IPO7: variants seen among roughly 807,000 people sequenced by gnomAD.
IPO7 encodes the protein importin 7.
A neutral mutation model predicts 136.4 loss-of-function variants in IPO7; 13 were observed. That is an observed-to-expected ratio of 0.10 (90% CI 0.06 to 0.15). IPO7 has a LOEUF of 0.15. IPO7 is among the 10% of genes least tolerant of loss of function. The pLI is 1.00. For synonymous variants in IPO7, 403 were observed against 404.4 expected (o/e 1.00, Z 0.04); for missense variants, 857 against 1,240.6 (o/e 0.69, Z 4.65).
intron 2 of IPO7, 166 bp downstream of exon 2, chr11:9,403,537 C>A: frequency 1.8e-6 from 1 of 555,450 alleles, no homozygotes; most frequent in Non-Finnish European, 3.2e-6. Flanking sequence ...TATCTGGTGG[C>A]AGAGTTTAAA....
At chr11:9,406,400 T>G (rs1239840536) in intron 2 of IPO7, among the ~76,000 whole-genome samples, 2 of 152,108 alleles carry the variant, frequency 1.3e-5, no homozygotes, top group African/African-American at 2.4e-5. Context: ...TAAATCCAAA[T>G]TTTTACTAAG....
chr11:9,426,032 G>A (rs991846571), intron 12 of IPO7, among the ~76,000 whole-genome samples: 1 of 151,852 alleles, frequency 6.6e-6, no homozygotes, highest in Admixed American at 6.6e-5. Flanking sequence ...CAGTCCAGGC[G>A]ACAGAGACTC....
In IPO7 at chr11:9,447,434, C is replaced by T. The variant is rs1855544355; in HGVS notation, c.*2240C>T. On this transcript the variant is annotated 3_prime_UTR_variant, in exon 25 of 25. Transcript: ENST00000379719. ...GTTCAAATGATAGTTTCTAATGCATCAAATATATACCTCAGTTTTCATGAT... is the reference window on the plus strand; with the variant it reads ...GTTCAAATGATAGTTTCTAATGCATTAAATATATACCTCAGTTTTCATGAT... 6.6e-6 allele frequency: 1 copy of T among 152,130 alleles called. No individual in the cohort carries two copies. The highest frequency in any genetic ancestry group is 1.5e-5 in the Non-Finnish European group (1 of 68,030). 9.4% of individuals were successfully genotyped at this position (152,130 alleles called of 1,614,324 possible).
At chr11:9,429,864 A>T (rs772070992) in intron 15 of IPO7, 30 bp downstream of exon 15, 2 of 1,531,446 alleles carry the variant, frequency 1.3e-6, no homozygotes, top group Non-Finnish European at 1.8e-6. Context: ...CATATTTGCA[A>T]GCATTTTAAT....
intron 1 of IPO7, among the ~76,000 whole-genome samples, chr11:9,402,340 C>T (rs763946845): frequency 1.5e-5 from 2 of 130,692 alleles, no homozygotes; most frequent in East Asian, 2.3e-4. Flanking sequence ...GCAGAGGTTG[C>T]AGTGAGCCGA....
chr11:9,417,766 G>A lies in IPO7; in HGVS notation c.726+618G>A, dbSNP rs150924291. 5.3e-3 allele frequency among the ~76,000 whole-genome samples: 796 copies of A among 149,994 alleles called. 6 individuals are homozygous for A. Among genetic ancestry groups the A allele is most frequent in the African/African-American group, 0.019 (758 of 40,782 alleles). On this transcript the variant is annotated intron_variant, in intron 6 of 24. Coordinates refer to ENST00000379719, the MANE Select transcript of IPO7 (RefSeq NM_006391.3). Reference sequence around the variant, plus strand: ...TCGCTCTTGTTGCCTAGGCTGGAGTGCAGTGGCGCAATCTCGGCTCACTGC... The same window carrying A: ...TCGCTCTTGTTGCCTAGGCTGGAGTACAGTGGCGCAATCTCGGCTCACTGC...
At chr11:9,434,309 T>TA (rs1327726894) in intron 18 of IPO7, among the ~76,000 whole-genome samples, 2 of 152,176 alleles carry the variant, frequency 1.3e-5, no homozygotes, top group African/African-American at 4.8e-5. Context: ...TGATGCATGA[T>TA]ATTGATTTCT....
At chr11:9,425,342 A>T in intron 12 of IPO7, 80 bp downstream of exon 12, 1 of 851,870 alleles carries the variant, frequency 1.2e-6, no homozygotes, top group Non-Finnish European at 2.0e-6. Flanking sequence ...ACAGTGGCTC[A>T]CTTCTATAAT....
At chr11:9,428,737 T>C (rs1275554341) in intron 13 of IPO7, 108 bp downstream of exon 13, 1 of 806,784 alleles carries the variant, frequency 1.2e-6, no homozygotes, top group South Asian at 1.3e-5. Flanking sequence ...TGTGTCTTAT[T>C]TTAGGTTTCT....
At chr11:9,430,854 G>T (rs780678301) in intron 15 of IPO7, 21 bp from the exon 16 acceptor site, 1 of 1,608,032 alleles carries the variant, frequency 6.2e-7, no homozygotes, top group South Asian at 1.1e-5. Context: ...ACAAACTTGA[G>T]TTATATTCTC....
At chr11:9,423,239 A>G in intron 9 of IPO7, 99 bp downstream of exon 9, 1 of 687,738 alleles carries the variant, frequency 1.5e-6, no homozygotes. Flanking sequence ...GAGTTGTGTT[A>G]CTTAGACTAC....
At chr11:9,431,919 G>A (rs2133758286) in intron 16 of IPO7, among the ~76,000 whole-genome samples, 1 of 152,248 alleles carries the variant, frequency 6.6e-6, no homozygotes, top group African/African-American at 2.4e-5. Flanking sequence ...ACGCTGCAGT[G>A]AGCATAGATC....
rs1385206735 is a variant in IPO7 at position 9,429,806 on chromosome 11, C to T, written c.1724C>T (p.Pro575Leu). Residue 575 changes from proline (P) to leucine (L), a missense_variant, in exon 15 of 25, where the codon CCT becomes CTT. By Grantham distance (98) the Pro-to-Leu change is moderately conservative (BLOSUM62 -3). Around this residue, in one of 11 missense-constraint regions of IPO7, gnomAD observed 58 missense variants for 122.1 expected, o/e 0.47. Coordinates refer to ENST00000379719, the MANE Select transcript of IPO7 (RefSeq NM_006391.3). Reference sequence around the variant, plus strand: ...TGTGAATATAGTGAAGAAGTTACTCCTATTGCAGTAGAAATGACACAACAT... The same window carrying T: ...TGTGAATATAGTGAAGAAGTTACTCTTATTGCAGTAGAAATGACACAACAT... ...MICEYSEEVT[P>L]IAVEMTQHLA... is the part of the protein sequence containing the mutation. 2 of 1,594,458 alleles carry T rather than the reference C, an allele frequency of 1.3e-6. No homozygotes were observed. Among genetic ancestry groups the T allele is most frequent in the Admixed American group, 1.8e-5 (1 of 54,164 alleles).
intron 24 of IPO7, among the ~76,000 whole-genome samples, chr11:9,443,386 A>C (rs944573691): frequency 2.0e-5 from 3 of 151,730 alleles, no homozygotes; most frequent in Non-Finnish European, 4.4e-5. Flanking sequence ...TGAGGTTTAG[A>C]GTTCGAGACC....
rs566158473 is a variant in IPO7, at chr11:9,446,937, T to G, written c.*1743T>G. 6.6e-6 allele frequency: 1 copy of G among 152,294 alleles called. No homozygotes were observed. The highest frequency in any genetic ancestry group is 2.1e-4 in the South Asian group (1 of 4,824). 9.4% of individuals were successfully genotyped at this position (152,294 alleles called of 1,614,324 possible). ...TGGGTGAAAACTGTTAATCAAGTGT[T>G]TCTACTCCCCCCCGAAAATCCCCTG... On this transcript the variant is annotated 3_prime_UTR_variant, in exon 25 of 25. Coordinates refer to ENST00000379719, the MANE Select transcript of IPO7 (RefSeq NM_006391.3).
chr11:9,401,730 A>G (rs1270910026), intron 1 of IPO7, among the ~76,000 whole-genome samples: 1 of 152,206 alleles, frequency 6.6e-6, no homozygotes, highest in Non-Finnish European at 1.5e-5. Context: ...TTAAATTATG[A>G]TTATATAGTC....
intron 10 of IPO7, 97 bp from the exon 11 acceptor site, chr11:9,424,817 G>C (rs911667185): frequency 2.3e-5 from 18 of 785,728 alleles, no homozygotes; most frequent in Non-Finnish European, 3.8e-5. Flanking sequence ...AGGGATCTGG[G>C]ATCATTTTCA....
chr11:9,427,901 T>C (rs545946480), intron 12 of IPO7, among the ~76,000 whole-genome samples: 27 of 152,262 alleles, frequency 1.8e-4, no homozygotes, highest in Non-Finnish European at 2.6e-4. Context: ...TGTCTGATTA[T>C]GTAAGTGTTG....
At chr11:9,417,715 C>CTTTTTTT (rs1191474959) in intron 6 of IPO7, among the ~76,000 whole-genome samples, 2 of 138,372 alleles carry the variant, frequency 1.4e-5, no homozygotes, top group Non-Finnish European at 1.6e-5. Flanking sequence ...TTTCTTTTTT[C>CTTTTTTT]TTTTTTTTTT....
Sources: allele counts gnomAD v4.1 joint callset (sites outside exome capture counted in the v4.1 genomes callset), GRCh38; gene constraint gnomAD v4.1.1; regional missense constraint gnomAD v4.1.1; transcripts MANE v1.5; gene names NCBI Gene and HGNC (gene_info 2026-07-23, HGNC 2026-07-21).